Variants in ITPR3 observed in about 807,000 individuals in gnomAD.
The protein encoded by ITPR3 is inositol 1,4,5-trisphosphate receptor type 3, also known as inositol 1,4,5-trisphosphate-gated calcium channel ITPR3.
ITPR3 carries 173 observed loss-of-function variants against 293.2 expected under a neutral mutation model. The ratio of observed to expected loss-of-function variants is 0.59; its 90% confidence interval spans 0.52 to 0.67. The LOEUF is 0.67. ITPR3 is among the 30% of genes least tolerant of loss of function. The probability of loss-of-function intolerance (pLI) is 0.00; values close to 1 mark genes in which losing one functional copy is unlikely to be tolerated. For synonymous variants in ITPR3, 1,295 were observed against 1,444.4 expected, an observed-to-expected ratio of 0.90 and a Z score of 2.35; for missense variants, 2,796 against 3,592.1, an observed-to-expected ratio of 0.78 and a Z score of 5.66.
rs1391608810 is a variant in ITPR3, at chr6:33,654,734, C to T, written c.161-1032C>T. ...AGAGCATTGTACAATCAGGGACTCA[C>T]ACAGCTGCAGCATGAGAGGGATCTC... is the stretch of plus-strand genomic sequence containing the variant. On this transcript the variant is annotated intron_variant, in intron 2 of 57. Coordinates refer to ENST00000605930, the MANE Select transcript of ITPR3 (RefSeq NM_002224.4). The surrounding 1 kb of genome is among the most constrained non-coding windows in gnomAD (Gnocchi z 4.1). Among the ~76,000 whole-genome samples the T allele has an allele frequency of 6.6e-6, 1 of 152,204 alleles. No homozygotes were observed. Among genetic ancestry groups the T allele is most frequent in the Non-Finnish European group, 1.5e-5 (1 of 68,042 alleles).
At chr6:33,689,094 T>TA (rs1413603215) in intron 49 of ITPR3, 144 bp from the exon 50 acceptor site, 2 of 945,850 alleles carry the variant, frequency 2.1e-6, no homozygotes, top group Non-Finnish European at 3.2e-6. Context: ...GAGAGGCAGG[T>TA]GTAATGGAGG....
chr6:33,629,710 C>T (rs952843623), intron 1 of ITPR3, among the ~76,000 whole-genome samples: 4 of 151,726 alleles, frequency 2.6e-5, no homozygotes, highest in Admixed American at 2.6e-4. Flanking sequence ...GAACTCCTAA[C>T]CTCAGGTGAT....
rs1764874227 is a variant in ITPR3 at position 33,675,256 on chromosome 6, T to C, written c.3117-435T>C. On this transcript the variant is annotated intron_variant, in intron 24 of 57. Transcript: ENST00000605930. The surrounding 1 kb of genome is among the most constrained non-coding windows in gnomAD (Gnocchi z 5.0). ...GGCCAACATGGTGAAACCCTGTCTC[T>C]ACTAAAAATACAAAAATTAGCCGGG... 6.6e-6 allele frequency among the ~76,000 whole-genome samples: 1 copy of C among 152,052 alleles called. No individual in the cohort carries two copies. Among genetic ancestry groups the C allele is most frequent in the South Asian group, 2.1e-4 (1 of 4,818 alleles).
intron 7 of ITPR3, among the ~76,000 whole-genome samples, 183 bp from the exon 8 acceptor site, chr6:33,662,345 A>G (rs981440366): frequency 5.3e-5 from 8 of 151,938 alleles, no homozygotes; most frequent in Non-Finnish European, 1.0e-4. Flanking sequence ...CTGAGGGCAG[A>G]GTGCCTGGGC....
chr6:33,693,637 G>A lies in ITPR3; in HGVS notation c.7717G>A (p.Val2573Met). ...HNMWNYLYFI[V>M]LVRVKNKTDY... ...CATGTGGAACTACTTGTACTTCATTGTGCTGGTCCGCGTGAAGAACAAGAC... is the reference window on the plus strand; with the variant it reads ...CATGTGGAACTACTTGTACTTCATTATGCTGGTCCGCGTGAAGAACAAGAC... Residue 2573 changes from valine (V) to methionine (M), a missense_variant, in exon 56 of 58, where the codon GTG (valine) becomes ATG (methionine). Transcript: ENST00000605930. 1 of 1,614,218 alleles carries A rather than the reference G, an allele frequency of 6.2e-7. No homozygotes were observed.
chr6:33,660,952 A>T (rs913417085), intron 7 of ITPR3, among the ~76,000 whole-genome samples: 2 of 149,856 alleles, frequency 1.3e-5, no homozygotes, highest in Non-Finnish European at 2.9e-5. Flanking sequence ...ACAAGCAAAC[A>T]AACAAACAAA....
chr6:33,666,826 C>G lies in ITPR3; in HGVS notation c.1552-303C>G, dbSNP rs1187048522. ...CGGTCCGGCCTGCCTTTTCTCTTAG[C>G]CTTAGACCCTGAGCTGCCGAGACCC... On this transcript the variant is annotated intron_variant, in intron 14 of 57. Coordinates refer to ENST00000605930, the MANE Select transcript of ITPR3 (RefSeq NM_002224.4). The surrounding 1 kb of genome is among the most constrained non-coding windows in gnomAD (Gnocchi z 5.1). 6.6e-6 allele frequency among the ~76,000 whole-genome samples: 1 copy of G among 152,160 alleles called. No homozygotes were observed. Among genetic ancestry groups the G allele is most frequent in the Non-Finnish European group, 1.5e-5 (1 of 68,032 alleles).
rs369315023 is a variant in ITPR3, at chr6:33,694,059, TGAG to T, written c.7785+359_7785+361del. On this transcript the variant is annotated intron_variant, in intron 56 of 57. Transcript: ENST00000605930. ...CCCTGGGCCTGTCGTGCAGTGATGC[TGAG>T]GAGGGGTGGAGTTGGGGAGACCCTG... Among the ~76,000 whole-genome samples the T allele has an allele frequency of 9.9e-5, 15 of 152,162 alleles. No individual in the cohort carries two copies. In the East Asian group the frequency reaches 1.5e-3, roughly 16 times the overall value.
At position 33,633,187 on chromosome 6, in the gene ITPR3, C is replaced by T. The variant is rs12175219; in HGVS notation, c.90-7297C>T. ...CGTGGGCAGGGAACCACACGGGAGC[C>T]TCAGCTTGGCCTTGAGATGGCAGGA... On this transcript the variant is annotated intron_variant, in intron 1 of 57. Transcript: ENST00000605930. This position sits in a 1 kb window ranked among gnomAD's most constrained non-coding sequence, Gnocchi z 5.2. Among the ~76,000 whole-genome samples the T allele has an allele frequency of 6.6e-6, 1 of 152,162 alleles. No homozygotes were observed. The highest frequency in any genetic ancestry group is 6.5e-5 in the Admixed American group (1 of 15,280).
At chr6:33,627,239 A>AG (rs1317816828) in intron 1 of ITPR3, among the ~76,000 whole-genome samples, 3 of 39,200 alleles carry the variant, frequency 7.7e-5, no homozygotes, top group African/African-American at 2.5e-4. Flanking sequence ...TTTCAGATTA[A>AG]AAAAAAATAT....
At chr6:33,642,662 G>A (rs544075655) in intron 2 of ITPR3, among the ~76,000 whole-genome samples, 3 of 152,086 alleles carry the variant, frequency 2.0e-5, no homozygotes, top group South Asian at 2.1e-4. Context: ...TCCTCATTGC[G>A]CCTTCCCTCT....
At chr6:33,678,121 C>A (rs1304623912) in intron 28 of ITPR3, among the ~76,000 whole-genome samples, 1 of 152,146 alleles carries the variant, frequency 6.6e-6, no homozygotes, top group East Asian at 1.9e-4. Flanking sequence ...TTAGTCTCAT[C>A]TCCCCTTTTG....
At position 33,662,579 on chromosome 6, in the gene ITPR3, G is replaced by C; in HGVS notation, c.763G>C (p.Asp255His). The C allele has an allele frequency of 1.2e-6, 2 of 1,611,742 alleles. No individual in the cohort carries two copies. Among genetic ancestry groups the C allele is most frequent in the Non-Finnish European group, 1.7e-6 (2 of 1,179,586 alleles). ...GGAGCAGGAGAAGTTCCTGACGTGTGACGAGTACAAGGGCAAGCTGCAGGT... is the reference window on the plus strand; with the variant it reads ...GGAGCAGGAGAAGTTCCTGACGTGTCACGAGTACAAGGGCAAGCTGCAGGT... Reference protein sequence around the residue: ...HAEQEKFLTCDEYKGKLQVFL... With the variant: ...HAEQEKFLTCHEYKGKLQVFL... The change falls in exon 8 of 58, where the codon GAC (aspartate) becomes CAC (histidine). Residue 255 changes from aspartate (D) to histidine (H), a missense_variant. Asp to His is a moderately conservative substitution (Grantham distance 81). Coordinates refer to ENST00000605930, the MANE Select transcript of ITPR3 (RefSeq NM_002224.4).
chr6:33,688,234 C>T lies in ITPR3; in HGVS notation c.6376-5C>T, dbSNP rs762026349. 24 of 1,614,046 alleles carry T rather than the reference C, an allele frequency of 1.5e-5. No individual in the cohort carries two copies. Among genetic ancestry groups the T allele is most frequent in the Non-Finnish European group, 1.9e-5 (23 of 1,180,024 alleles). On this transcript the variant is annotated splice_polypyrimidine_tract_variant and splice_region_variant and intron_variant, in intron 47 of 57. Transcript: ENST00000605930. ...CGGGCGTGACCATGTGCTGTGTGTG[C>T]TCAGATTGTGCGGCAGGACCGCAGC... is the stretch of plus-strand genomic sequence containing the variant.
chr6:33,689,884 A>C, intron 50 of ITPR3, 150 bp from the exon 51 acceptor site: 1 of 831,406 alleles, frequency 1.2e-6, no homozygotes, highest in Non-Finnish European at 1.9e-6. Context: ...CTGCCTCTGT[A>C]TTCTGAGTCC....
At chr6:33,662,416 AG>A in intron 7 of ITPR3, 111 bp from the exon 8 acceptor site, 1 of 1,250,340 alleles carries the variant, frequency 8.0e-7, no homozygotes. Flanking sequence ...GCTCTGGAAG[AG>A]GGGCCCTGCC....
At chr6:33,627,479 G>A (rs776798993) in intron 1 of ITPR3, among the ~76,000 whole-genome samples, 34 of 152,216 alleles carry the variant, frequency 2.2e-4, no homozygotes, top group Non-Finnish European at 4.6e-4. Context: ...GCCATGGTAT[G>A]CTGTACCTTA....
In ITPR3 at chr6:33,640,531, A is replaced by G. The variant is rs769036315; in HGVS notation, c.137A>G (p.Asp46Gly). 1.2e-5 allele frequency: 19 copies of G among 1,613,396 alleles called. No homozygotes were observed. Among genetic ancestry groups the G allele is most frequent in the Non-Finnish European group, 1.6e-5 (19 of 1,179,664 alleles). Residue 46 changes from aspartate to glycine, a missense_variant, in exon 2 of 58, where the codon GAC becomes GGC. Asp to Gly is a moderately conservative substitution (Grantham distance 94). Transcript: ENST00000605930. ...GTGGAGCCCGCGGCCGGGGACCTGGACAACCCCCCTAAGAAGTTCCGTGGT... is the reference window on the plus strand; with the variant it reads ...GTGGAGCCCGCGGCCGGGGACCTGGGCAACCCCCCTAAGAAGTTCCGTGGT... ...CVVEPAAGDL[D>G]NPPKKFRDCL...
chr6:33,665,684 A>G (rs757575273), intron 13 of ITPR3, 151 bp from the exon 14 acceptor site: 14 of 824,986 alleles, frequency 1.7e-5, no homozygotes, highest in Admixed American at 2.5e-5. Context: ...GAAAGCCGGG[A>G]AGAGGAATTG....
Sources: allele counts gnomAD v4.1 joint callset (sites outside exome capture counted in the v4.1 genomes callset), GRCh38; gene constraint gnomAD v4.1.1; non-coding constraint Gnocchi (gnomAD v3.1); transcripts MANE v1.5; gene names NCBI Gene and HGNC (gene_info 2026-07-23, HGNC 2026-07-21).